The following HS3ST4 variants were observed in gnomAD, a reference collection of about 807,000 sequenced individuals.
HS3ST4 encodes heparan sulfate glucosamine 3-O-sulfotransferase 4.
Under a neutral mutation model 29.2 loss-of-function variants are expected in HS3ST4, and 17 were observed. The observed-to-expected ratio is 0.58, with a 90% confidence interval of 0.40 to 0.87. The LOEUF (loss-of-function observed/expected upper bound fraction) is 0.87, where lower values mean the gene tolerates loss of function less well. Among genes scored for constraint, HS3ST4 ranks in the 40% least tolerant of loss-of-function variants. The pLI is 0.00. For synonymous variants in HS3ST4, 314 were observed against 285.7 expected, an observed-to-expected ratio of 1.10 and a Z score of -1.00; for missense variants, 627 against 634.5, an observed-to-expected ratio of 0.99 and a Z score of 0.13.
At chr16:26,025,304 A>G (rs1969457667) in intron 1 of HS3ST4, 1 of 154,434 alleles carries the variant, frequency 6.5e-6, no homozygotes, top group Non-Finnish European at 1.5e-5. Flanking sequence ...TTACTTTTGC[A>G]CCAATCTAAT....
At chr16:25,713,021 C>A (rs968491237) in intron 1 of HS3ST4, among the ~76,000 whole-genome samples, 2 of 151,806 alleles carry the variant, frequency 1.3e-5, no homozygotes, top group African/African-American at 4.8e-5. Context: ...CATATTTCAC[C>A]CATTTGACCT....
intron 1 of HS3ST4, among the ~76,000 whole-genome samples, chr16:25,894,887 G>A (rs1011406457): frequency 1.3e-4 from 20 of 152,074 alleles, no homozygotes; most frequent in Admixed American, 5.9e-4. Context: ...TATGGAATGC[G>A]TTATGTTTAG....
chr16:25,888,369 T>TAG (rs1967975899), intron 1 of HS3ST4, among the ~76,000 whole-genome samples: 1 of 152,242 alleles, frequency 6.6e-6, no homozygotes, highest in African/African-American at 2.4e-5. Context: ...TCCCTCTCTT[T>TAG]ATCTCTGCGT....
chr16:25,740,478 C>A (rs554483293), intron 1 of HS3ST4, among the ~76,000 whole-genome samples: 1 of 152,244 alleles, frequency 6.6e-6, no homozygotes, highest in African/African-American at 2.4e-5. Flanking sequence ...TTCTAAGTGA[C>A]TCCTTTAACA....
intron 1 of HS3ST4, among the ~76,000 whole-genome samples, chr16:25,891,224 A>G (rs117253518): frequency 0.04 from 6,054 of 152,314 alleles, 182 homozygotes; most frequent in Non-Finnish European, 0.06. Flanking sequence ...TGAGTTCTAT[A>G]GACTGGGTAT....
At position 25,924,755 on chromosome 16, in the gene HS3ST4, C is replaced by T. The variant is rs917630836; in HGVS notation, c.735-210857C>T. Among the ~76,000 whole-genome samples the T allele has an allele frequency of 1.1e-4, 17 of 152,282 alleles. No individual in the cohort carries two copies. The South Asian group carries it at 2.1e-3, about 19-fold the overall frequency. ...CTTCTCAGGCTGGACTTGAAGTGCA[C>T]TTGCTTCTGGAAACAATCACCTGAA... On this transcript the variant is annotated intron_variant, in intron 1 of 1. Transcript: ENST00000331351.
rs182471813 is a variant in HS3ST4 at position 25,937,444 on chromosome 16, G to A, written c.735-198168G>A. ...CATTTCTAAATAAAGGGACTCCTAC[G>A]TGATCTTATTTACCTGTAGTGGTTG... On this transcript the variant is annotated intron_variant, in intron 1 of 1. Coordinates refer to ENST00000331351, the MANE Select transcript of HS3ST4 (RefSeq NM_006040.3). Among the ~76,000 whole-genome samples, 11 of 152,242 alleles carry A rather than the reference G, an allele frequency of 7.2e-5. No individual in the cohort carries two copies. In the East Asian group the frequency reaches 1.5e-3, roughly 21 times the overall value.
intron 1 of HS3ST4, among the ~76,000 whole-genome samples, chr16:26,048,851 T>C (rs2141763880): frequency 6.6e-6 from 1 of 152,106 alleles, no homozygotes; most frequent in African/African-American, 2.4e-5. Context: ...AAAAATAACA[T>C]TGAATCTCGC....
In HS3ST4 at chr16:25,693,030, G is replaced by C. The variant is rs748698792; in HGVS notation, c.613G>C (p.Val205Leu). 6.2e-7 allele frequency: 1 copy of C among 1,611,566 alleles called. No individual in the cohort carries two copies. The highest frequency in any genetic ancestry group is 2.2e-5 in the East Asian group (1 of 44,798). ...KKLPQALIIG[V>L]KKGGTRALLE... ...GCTGCCACAGGCGCTCATCATCGGG[G>C]TCAAGAAAGGAGGGACCCGCGCGCT... The change falls in exon 1 of 2, where the codon GTC (valine) becomes CTC (leucine). Residue 205 changes from valine (V) to leucine (L), a missense_variant. By Grantham distance (32) the Val-to-Leu change is conservative (BLOSUM62 1). Coordinates refer to ENST00000331351, the MANE Select transcript of HS3ST4 (RefSeq NM_006040.3).
chr16:26,007,770 T>G (rs1221588893), intron 1 of HS3ST4, among the ~76,000 whole-genome samples: 1 of 152,210 alleles, frequency 6.6e-6, no homozygotes, highest in Non-Finnish European at 1.5e-5. Flanking sequence ...AGTAGAACTT[T>G]CATTTCTACT....
At chr16:26,106,988 A>G (rs1365632893) in intron 1 of HS3ST4, among the ~76,000 whole-genome samples, 1 of 151,946 alleles carries the variant, frequency 6.6e-6, no homozygotes, top group Non-Finnish European at 1.5e-5. Flanking sequence ...GCCCTCGACT[A>G]TCTAGAATGT....
At chr16:25,815,338 A>C (rs544238245) in intron 1 of HS3ST4, among the ~76,000 whole-genome samples, 36 of 152,242 alleles carry the variant, frequency 2.4e-4, no homozygotes, top group African/African-American at 8.7e-4. Flanking sequence ...GCACAAAGGA[A>C]ATATTTTTCA....
Position 25,692,874 on chromosome 16 carries a change from CAG to C in HS3ST4, c.460_461del (p.Ser154ArgfsTer115). On this transcript the variant is annotated frameshift_variant, in exon 1 of 2. Coordinates refer to ENST00000331351, the MANE Select transcript of HS3ST4 (RefSeq NM_006040.3). LOFTEE classifies it high-confidence loss of function. ...GGCCCCCAGCGAGATGATCACGGCT[CAG>C]AGCGCGCTGCCGGAGAGGGAAGCGC... Reference protein sequence around the residue: ...PLAPSEMITAQSALPEREAQE... With the variant: ...PLAPSEMITAXSALPEREAQE... 1.3e-6 allele frequency: 2 copies of C among 1,539,638 alleles called. No homozygotes were observed. The highest frequency in any genetic ancestry group is 1.7e-6 in the Non-Finnish European group (2 of 1,143,108).
At chr16:25,731,423 C>T (rs539090710) in intron 1 of HS3ST4, among the ~76,000 whole-genome samples, 121 of 152,290 alleles carry the variant, frequency 7.9e-4, no homozygotes, top group African/African-American at 2.8e-3. Context: ...TCACTGCAGC[C>T]TCAACCTCCT....
chr16:25,900,778 A>G (rs1968113541), intron 1 of HS3ST4, among the ~76,000 whole-genome samples: 1 of 133,798 alleles, frequency 7.5e-6, no homozygotes, highest in Non-Finnish European at 1.8e-5. Context: ...GCACTGTAAC[A>G]TGGGACCTCA....
At chr16:25,894,957 C>T (rs1035256255) in intron 1 of HS3ST4, among the ~76,000 whole-genome samples, 1 of 152,128 alleles carries the variant, frequency 6.6e-6, no homozygotes, top group Non-Finnish European at 1.5e-5. Context: ...AGGCACTGGA[C>T]AATAGTGATG....
chr16:25,720,672 C>T (rs192977485), intron 1 of HS3ST4, among the ~76,000 whole-genome samples: 1 of 152,292 alleles, frequency 6.6e-6, no homozygotes, highest in East Asian at 1.9e-4. Context: ...AGTCACATCA[C>T]CACACTAAAA....
At chr16:25,970,522 C>T (rs528600198) in intron 1 of HS3ST4, among the ~76,000 whole-genome samples, 121 of 151,244 alleles carry the variant, frequency 8.0e-4, no homozygotes, top group African/African-American at 2.8e-3. Context: ...TTCTCTCTCT[C>T]TTTTTTTTTC....
chr16:25,910,911 C>T (rs1968232703), intron 1 of HS3ST4, among the ~76,000 whole-genome samples: 1 of 152,164 alleles, frequency 6.6e-6, no homozygotes, highest in Admixed American at 6.5e-5. Context: ...CCAGGAGCTT[C>T]GTTTGACTCA....
Sources: allele counts gnomAD v4.1 joint callset (sites outside exome capture counted in the v4.1 genomes callset), GRCh38; gene constraint gnomAD v4.1.1; transcripts MANE v1.5; gene names NCBI Gene and HGNC (gene_info 2026-07-23, HGNC 2026-07-21).